The following CDH13 variants were observed in gnomAD, a reference collection of about 807,000 sequenced individuals.
The protein encoded by CDH13 is cadherin-13.
CDH13 carries 24 observed loss-of-function variants against 63.8 expected under a neutral mutation model. The ratio of observed to expected loss-of-function variants is 0.38; its 90% CI spans 0.27 to 0.53. The LOEUF is 0.53. CDH13 is among the 20% of genes least tolerant of loss of function. The pLI, the probability that CDH13 is intolerant of heterozygous loss-of-function variation, is 0.85. For missense variants in CDH13, 1,049 were observed against 903.1 expected (o/e 1.16, Z -2.07); for synonymous variants, 503 against 355.3 (o/e 1.42, Z -4.67).
Position 83,341,422 on chromosome 16 carries a change from T to G in CDH13, c.637-3440T>G, listed in dbSNP as rs58298568. ...AACTCACGGGAATGTCAGATTTTGT[T>G]ACGGTATGTGATTGGGTGGATAAGG... On this transcript the variant is annotated intron_variant, in intron 5 of 13. Transcript: ENST00000567109. Among the ~76,000 whole-genome samples, 141 of 152,340 alleles carry G rather than the reference T, an allele frequency of 9.3e-4. 1 individual carries two copies. The highest frequency in any genetic ancestry group is 3.3e-3 in the African/African-American group (138 of 41,570).
chr16:83,255,309 G>A (rs941454118), intron 5 of CDH13, among the ~76,000 whole-genome samples: 15 of 152,302 alleles, frequency 9.8e-5, no homozygotes, highest in Admixed American at 3.3e-4. Flanking sequence ...CGGGCCTCCT[G>A]CTCCATCCTC....
intron 4 of CDH13, among the ~76,000 whole-genome samples, chr16:83,214,280 T>C (rs1212913031): frequency 6.6e-6 from 1 of 151,898 alleles, no homozygotes; most frequent in Admixed American, 6.6e-5. Context: ...TGAATTTTGT[T>C]ATTAAAAAGG....
chr16:83,476,042 T>C (rs895344433), intron 6 of CDH13, among the ~76,000 whole-genome samples: 5 of 152,256 alleles, frequency 3.3e-5, no homozygotes, highest in Non-Finnish European at 7.3e-5. Flanking sequence ...CTACTCCAGC[T>C]TTATATTACC....
intron 6 of CDH13, among the ~76,000 whole-genome samples, chr16:83,362,886 A>C (rs2091188872): frequency 6.6e-6 from 1 of 152,230 alleles, no homozygotes; most frequent in South Asian, 2.1e-4. Flanking sequence ...TGCAACAGGC[A>C]AGCATCAAAA....
intron 9 of CDH13, among the ~76,000 whole-genome samples, chr16:83,673,276 A>G (rs1914673705): frequency 6.6e-6 from 1 of 152,232 alleles, no homozygotes; most frequent in African/African-American, 2.4e-5. Context: ...TTCATCGGAC[A>G]TAGCACATTG....
intron 7 of CDH13, among the ~76,000 whole-genome samples, chr16:83,519,435 C>T (rs929660885): frequency 7.2e-5 from 11 of 152,192 alleles, no homozygotes; most frequent in South Asian, 6.2e-4. Context: ...GAAAAAGAAA[C>T]AAATACTTCA....
intron 5 of CDH13, among the ~76,000 whole-genome samples, chr16:83,282,740 C>A (rs1346708456): frequency 6.6e-6 from 1 of 152,190 alleles, no homozygotes; most frequent in Non-Finnish European, 1.5e-5. Context: ...GTTTTCCTTT[C>A]CAGCAAACCT....
At chr16:82,982,959 C>T (rs1208311441) in intron 2 of CDH13, among the ~76,000 whole-genome samples, 9 of 152,258 alleles carry the variant, frequency 5.9e-5, no homozygotes, top group African/African-American at 1.9e-4. Flanking sequence ...GTTTGCTAAG[C>T]ATGGTGGCCC....
rs571556094 is a variant in CDH13, at chr16:82,818,022, G to A, written c.46-40340G>A. Among the ~76,000 whole-genome samples the A allele has an allele frequency of 3.3e-5, 5 of 152,158 alleles. No homozygotes were observed. In the East Asian group the frequency reaches 9.7e-4, roughly 29 times the overall value. Reference sequence around the variant, plus strand: ...AGGTATACACATGTATAGAGTTGTAGATGTATGCACATATTTGCATGCATA... The same window carrying A: ...AGGTATACACATGTATAGAGTTGTAAATGTATGCACATATTTGCATGCATA... On this transcript the variant is annotated intron_variant, in intron 1 of 13. Transcript: ENST00000567109.
chr16:83,206,244 C>T (rs530118423), intron 4 of CDH13, among the ~76,000 whole-genome samples: 3 of 152,298 alleles, frequency 2.0e-5, no homozygotes, highest in Non-Finnish European at 4.4e-5. Context: ...CCTACGAAGC[C>T]CTCTGGCCGT....
intron 10 of CDH13, among the ~76,000 whole-genome samples, chr16:83,683,778 G>A (rs1444303127): frequency 6.6e-6 from 1 of 152,156 alleles, no homozygotes; most frequent in African/African-American, 2.4e-5. Context: ...TATTGTTAAT[G>A]TTTTTTGGCA....
chr16:83,454,534 C>A (rs1334871045), intron 6 of CDH13, among the ~76,000 whole-genome samples: 1 of 152,094 alleles, frequency 6.6e-6, no homozygotes, highest in Non-Finnish European at 1.5e-5. Flanking sequence ...TCCCAGATTG[C>A]TGTATGGTCC....
intron 6 of CDH13, among the ~76,000 whole-genome samples, chr16:83,458,726 A>T (rs764878047): frequency 1.2e-4 from 19 of 152,226 alleles, no homozygotes; most frequent in Middle Eastern, 3.4e-3. Flanking sequence ...TTTCATACTG[A>T]CACTTCTCAG....
chr16:83,283,514 C>A (rs1032716993), intron 5 of CDH13, among the ~76,000 whole-genome samples: 1 of 152,124 alleles, frequency 6.6e-6, no homozygotes, highest in East Asian at 1.9e-4. Flanking sequence ...TCACTTGAAC[C>A]CAGGAGGTGG....
chr16:83,467,703 C>A (rs977284260), intron 6 of CDH13, among the ~76,000 whole-genome samples: 1 of 152,186 alleles, frequency 6.6e-6, no homozygotes, highest in Non-Finnish European at 1.5e-5. Context: ...TCGTTCCTGG[C>A]TGCAGAACAC....
Position 82,648,290 on chromosome 16 carries a change from C to T in CDH13, c.45+21153C>T, listed in dbSNP as rs79128989. Among the ~76,000 whole-genome samples, 826 of 152,234 alleles carry T rather than the reference C, an allele frequency of 5.4e-3. 12 individuals are homozygous for T. The highest frequency in any genetic ancestry group is 0.019 in the African/African-American group (789 of 41,534). On this transcript the variant is annotated intron_variant, in intron 1 of 13. Coordinates refer to ENST00000567109, the MANE Select transcript of CDH13 (RefSeq NM_001257.5). ...AATACAGGAAAATATGTACAAAATACATTATATTAAATGATATATGAATAT... is the reference window on the plus strand; with the variant it reads ...AATACAGGAAAATATGTACAAAATATATTATATTAAATGATATATGAATAT...
chr16:83,498,560 T>G (rs2074200474), intron 7 of CDH13, among the ~76,000 whole-genome samples: 1 of 152,164 alleles, frequency 6.6e-6, no homozygotes, highest in African/African-American at 2.4e-5. Flanking sequence ...AAAACGTACT[T>G]TATATGGCAT....
At chr16:83,447,487 C>G (rs553360616) in intron 6 of CDH13, among the ~76,000 whole-genome samples, 1 of 151,964 alleles carries the variant, frequency 6.6e-6, no homozygotes, top group African/African-American at 2.4e-5. Flanking sequence ...GTGGAAAGCC[C>G]GCCAGTTAGA....
intron 1 of CDH13, among the ~76,000 whole-genome samples, chr16:82,667,851 C>A (rs1427491721): frequency 6.6e-6 from 1 of 152,100 alleles, no homozygotes; most frequent in African/African-American, 2.4e-5. Flanking sequence ...TGTTAGGGAG[C>A]CTTTTCAATC....
Sources: allele counts gnomAD v4.1 joint callset (sites outside exome capture counted in the v4.1 genomes callset), GRCh38; gene constraint gnomAD v4.1.1; transcripts MANE v1.5; gene names NCBI Gene and HGNC (gene_info 2026-07-23, HGNC 2026-07-21).